The following ANKFN1 variants were observed in gnomAD, a reference collection of about 807,000 sequenced individuals.
ANKFN1 encodes the protein ankyrin repeat and fibronectin type III domain containing 1.
In ANKFN1, 74 loss-of-function variants were observed where a neutral mutation model predicts 108.7. That is an observed-to-expected ratio of 0.68 (90% CI 0.56 to 0.83). ANKFN1 has a LOEUF of 0.83. Ranked by LOEUF, ANKFN1 falls within the 40% of genes least tolerant of loss-of-function variation. The pLI is 0.00. For missense variants in ANKFN1, 1,505 were observed against 1,382.3 expected (o/e 1.09, Z -1.41); for synonymous variants, 547 against 516.2 (o/e 1.06, Z -0.81).
chr17:56,280,136 A>G (rs1005894967), intron 3 of ANKFN1, among the ~76,000 whole-genome samples: 1 of 151,606 alleles, frequency 6.6e-6, no homozygotes, highest in Non-Finnish European at 1.5e-5. Context: ...CGGCCTCCCG[A>G]GTATCTGGGA....
intron 4 of ANKFN1, among the ~76,000 whole-genome samples, chr17:56,113,251 C>T (rs962616756): frequency 6.6e-6 from 1 of 152,086 alleles, no homozygotes; most frequent in Non-Finnish European, 1.5e-5. Context: ...GTGGACCTAG[C>T]CTTATCTTTA....
intron 2 of ANKFN1, chr17:56,215,771 A>G (rs1216111424): frequency 6.6e-6 from 1 of 152,140 alleles, no homozygotes; most frequent in Non-Finnish European, 1.5e-5. Context: ...AACATGGGGC[A>G]CCATTTTTTC....
intron 1 of ANKFN1, among the ~76,000 whole-genome samples, chr17:56,166,583 A>G (rs1598167272): frequency 6.6e-6 from 1 of 152,142 alleles, no homozygotes; most frequent in Non-Finnish European, 1.5e-5. Context: ...ACTGCAGCCA[A>G]CCGCATTTTG....
At chr17:56,389,939 G>A (rs981219937) in intron 8 of ANKFN1, among the ~76,000 whole-genome samples, 1 of 152,060 alleles carries the variant, frequency 6.6e-6, no homozygotes, top group Non-Finnish European at 1.5e-5. Context: ...CCTGTGCTGA[G>A]TACATTGCCT....
At chr17:56,087,049 G>A (rs915523256) in intron 4 of ANKFN1, among the ~76,000 whole-genome samples, 4 of 151,342 alleles carry the variant, frequency 2.6e-5, no homozygotes, top group African/African-American at 7.3e-5. Flanking sequence ...AAACACTTAT[G>A]TTGGTTGTTG....
intron 1 of ANKFN1, among the ~76,000 whole-genome samples, chr17:56,173,559 T>G (rs1222125357): frequency 2.6e-5 from 4 of 152,136 alleles, no homozygotes; most frequent in Non-Finnish European, 4.4e-5. Flanking sequence ...CTCTTTTTTT[T>G]TTATGGTCCC....
intron 4 of ANKFN1, among the ~76,000 whole-genome samples, chr17:56,089,131 T>C (rs58717478): frequency 0.092 from 13,913 of 151,492 alleles, 1,119 homozygotes; most frequent in African/African-American, 0.16. Context: ...GGACTTTTCT[T>C]GTTTTGAAGA....
At chr17:56,391,212 C>CATATATATATAT (rs202114506) in intron 8 of ANKFN1, among the ~76,000 whole-genome samples, 165 of 121,338 alleles carry the variant, frequency 1.4e-3, no homozygotes, top group African/African-American at 2.4e-3. Context: ...CCCAAGAATA[C>CATATATATATAT]ATATATATAT....
In ANKFN1 at chr17:56,497,861, T is replaced by TAGAA. The variant is rs536797953; in HGVS notation, c.2428-1018_2428-1015dup. Among the ~76,000 whole-genome samples the TAGAA allele has an allele frequency of 1.4e-4, 22 of 152,178 alleles. No homozygotes were observed. The South Asian group carries it at 4.6e-3, about 32-fold the overall frequency. ...GCCCAAGTCATCGAGTGAAATTAAA[T>TAGAA]AGAAAGCCTACTACAAATTCCAGGG... On this transcript the variant is annotated intron_variant, in intron 19 of 20. Coordinates refer to ENST00000682825, the MANE Select transcript of ANKFN1 (RefSeq NM_001370326.1).
At chr17:56,173,925 A>G (rs1054719907) in intron 1 of ANKFN1, among the ~76,000 whole-genome samples, 4 of 152,250 alleles carry the variant, frequency 2.6e-5, no homozygotes, top group Non-Finnish European at 5.9e-5. Context: ...CCAAATATTA[A>G]TTACTTGGCT....
intron 8 of ANKFN1, among the ~76,000 whole-genome samples, chr17:56,433,685 C>T (rs111409464): frequency 4.6e-5 from 7 of 152,066 alleles, no homozygotes; most frequent in South Asian, 4.2e-4. Context: ...GGGGAAAGGG[C>T]GGGAAGGGGG....
intron 4 of ANKFN1, among the ~76,000 whole-genome samples, chr17:56,070,608 T>C (rs1359386156): frequency 1.3e-5 from 2 of 152,284 alleles, no homozygotes; most frequent in East Asian, 3.9e-4. Flanking sequence ...ACCCTCACTA[T>C]AGAGGTTTAT....
chr17:56,346,875 T>G (rs530146820), intron 4 of ANKFN1, among the ~76,000 whole-genome samples: 1 of 152,004 alleles, frequency 6.6e-6, no homozygotes, highest in South Asian at 2.1e-4. Context: ...CACAGATATA[T>G]TCAACCTATA....
intron 1 of ANKFN1, among the ~76,000 whole-genome samples, chr17:56,154,642 C>CAAA (rs60522690): frequency 1.7e-4 from 23 of 134,094 alleles, no homozygotes; most frequent in African/African-American, 5.1e-4. Context: ...ATGCCAACAC[C>CAAA]AAAAAAAAAA....
chr17:56,114,699 G>T (rs1368013099), intron 4 of ANKFN1, among the ~76,000 whole-genome samples: 3 of 152,254 alleles, frequency 2.0e-5, no homozygotes, highest in Non-Finnish European at 2.9e-5. Flanking sequence ...TGGCAAAGGG[G>T]AATTAAGTTT....
At chr17:56,239,604 C>T (rs910297244) in intron 3 of ANKFN1, among the ~76,000 whole-genome samples, 2 of 152,078 alleles carry the variant, frequency 1.3e-5, no homozygotes, top group African/African-American at 2.4e-5. Flanking sequence ...CATGGTATCA[C>T]CTACCTCTGT....
At chr17:56,186,459 C>A (rs1412590673) in intron 1 of ANKFN1, among the ~76,000 whole-genome samples, 2 of 152,230 alleles carry the variant, frequency 1.3e-5, no homozygotes, top group Middle Eastern at 3.4e-3. Context: ...CTTGTCCAAG[C>A]AGCTACTAAG....
At chr17:56,185,670 T>C (rs182476682) in intron 1 of ANKFN1, among the ~76,000 whole-genome samples, 108 of 152,242 alleles carry the variant, frequency 7.1e-4, no homozygotes, top group Middle Eastern at 3.4e-3. Flanking sequence ...TGTCCAGCCT[T>C]TAAGTTGTGG....
At chr17:56,340,490 G>A (rs996825192) in intron 4 of ANKFN1, among the ~76,000 whole-genome samples, 1 of 151,994 alleles carries the variant, frequency 6.6e-6, no homozygotes, top group Admixed American at 6.6e-5. Context: ...TATATATGAT[G>A]TAAGGAAGGG....
Sources: gnomAD v4.1 joint callset for allele counts (sites outside exome capture counted in the v4.1 genomes callset) on GRCh38, gnomAD v4.1.1 for gene constraint, MANE v1.5 for transcripts, NCBI Gene and HGNC (gene_info 2026-07-23, HGNC 2026-07-21) for gene names.